MDGA2: variants seen among roughly 807,000 people sequenced by gnomAD.
MDGA2 encodes MAM domain containing glycosylphosphatidylinositol anchor 2.
A neutral mutation model predicts 117.8 loss-of-function variants in MDGA2; 40 were observed. That is an observed-to-expected ratio of 0.34 (90% CI 0.26 to 0.44). The LOEUF (loss-of-function observed/expected upper bound fraction) is 0.44, where lower values mean the gene tolerates loss of function less well. Among genes scored for constraint, MDGA2 ranks in the 20% least tolerant of loss-of-function variants. The pLI, the probability that MDGA2 is intolerant of heterozygous loss-of-function variation, is 1.00. For synonymous variants in MDGA2, 452 were observed against 439.0 expected (o/e 1.03, Z -0.37); for missense variants, 1,123 against 1,250.6 (o/e 0.90, Z 1.54).
intron 10 of MDGA2, among the ~76,000 whole-genome samples, chr14:46,892,183 G>A (rs997655710): frequency 5.9e-5 from 9 of 151,494 alleles, no homozygotes; most frequent in Middle Eastern, 3.4e-3. Context: ...TAGACAAATG[G>A]AACAGAGAGC....
At position 47,006,299 on chromosome 14, in the gene MDGA2, G is replaced by A. The variant is rs1021105032; in HGVS notation, c.1819+28712C>T. 3.3e-5 allele frequency among the ~76,000 whole-genome samples: 5 copies of A among 149,460 alleles called. No homozygotes were observed. In the East Asian group the frequency reaches 9.7e-4, roughly 29 times the overall value. On this transcript the variant is annotated intron_variant, in intron 8 of 16. Transcript: ENST00000399232. ...GAATCTTGTGGTATTAATGTTTACA[G>A]TAGCTAAATTTGAAATAACGTTGTC...
intron 5 of MDGA2, among the ~76,000 whole-genome samples, chr14:47,107,761 C>A (rs1273772065): frequency 1.3e-5 from 2 of 150,930 alleles, no homozygotes; most frequent in Non-Finnish European, 2.9e-5. Flanking sequence ...GAGCCAGGAC[C>A]ACACCCTGTA....
intron 8 of MDGA2, among the ~76,000 whole-genome samples, chr14:46,969,148 A>G (rs1327421743): frequency 6.6e-6 from 1 of 152,072 alleles, no homozygotes; most frequent in Admixed American, 6.5e-5. Context: ...CCAGTCTATC[A>G]TTGTTGGACA....
chr14:47,674,574 C>T lies in MDGA2; in HGVS notation c.223G>A (p.Gly75Ser), dbSNP rs748391283. The change falls in exon 1 of 17, where the codon GGT (glycine) becomes AGT (serine). Residue 75 changes from glycine (G) to serine (S), a missense_variant. Transcript: ENST00000399232. ...AGGACTGTCAGCAGCCACACGAGAC[C>T]GTACAGTAAATCCATCTTCACGTGA... ...HVHVKMDLLY[G>S]LVWLLTVLLE... 3.9e-6 allele frequency: 6 copies of T among 1,551,426 alleles called. No homozygotes were observed. Among genetic ancestry groups the T allele is most frequent in the South Asian group, 3.6e-5 (3 of 83,928 alleles).
At chr14:47,085,891 G>A (rs1348801820) in intron 6 of MDGA2, among the ~76,000 whole-genome samples, 2 of 151,920 alleles carry the variant, frequency 1.3e-5, no homozygotes, top group African/African-American at 4.8e-5. Context: ...CTTCTCCTGA[G>A]TTATTTAAAA....
At chr14:47,343,976 G>A (rs534428927) in intron 1 of MDGA2, among the ~76,000 whole-genome samples, 1 of 152,144 alleles carries the variant, frequency 6.6e-6, no homozygotes, top group Non-Finnish European at 1.5e-5. Flanking sequence ...TTGGAAAAGA[G>A]TGTATACCTC....
At chr14:46,998,111 G>A (rs1465821309) in intron 8 of MDGA2, among the ~76,000 whole-genome samples, 1 of 152,056 alleles carries the variant, frequency 6.6e-6, no homozygotes, top group Non-Finnish European at 1.5e-5. Context: ...CCCTGAAGAA[G>A]AAAAGGGAAA....
intron 2 of MDGA2, among the ~76,000 whole-genome samples, chr14:47,221,931 A>G (rs979197799): frequency 1.3e-5 from 2 of 152,006 alleles, no homozygotes; most frequent in African/African-American, 4.8e-5. Context: ...TGACAATTTC[A>G]TCTCCTCGAA....
At chr14:46,849,703 C>T (rs1452459974) in intron 15 of MDGA2, among the ~76,000 whole-genome samples, 2 of 151,766 alleles carry the variant, frequency 1.3e-5, no homozygotes, top group African/African-American at 4.8e-5. Flanking sequence ...CTTTACACAA[C>T]AAAAAATCTT....
chr14:46,864,715 TGAGAGCATA>T (rs1475290218), intron 14 of MDGA2, among the ~76,000 whole-genome samples: 6 of 151,810 alleles, frequency 4.0e-5, no homozygotes, highest in Non-Finnish European at 7.4e-5. Context: ...AGGACTTCAC[TGAGAGCATA>T]GACTAATTCT....
At chr14:47,376,046 C>A (rs1206844928) in intron 1 of MDGA2, among the ~76,000 whole-genome samples, 1 of 152,080 alleles carries the variant, frequency 6.6e-6, no homozygotes, top group Non-Finnish European at 1.5e-5. Context: ...AAAATTAACT[C>A]CCACTGTATT....
intron 2 of MDGA2, among the ~76,000 whole-genome samples, chr14:47,221,315 A>T (rs1460173075): frequency 6.6e-6 from 1 of 152,328 alleles, no homozygotes; most frequent in Non-Finnish European, 1.5e-5. Context: ...GGTGAAACAG[A>T]TCTTGTTTAT....
At chr14:46,939,202 C>A (rs766374387) in intron 9 of MDGA2, among the ~76,000 whole-genome samples, 5 of 152,030 alleles carry the variant, frequency 3.3e-5, no homozygotes, top group Non-Finnish European at 7.4e-5. Context: ...TTCTATAGCA[C>A]TGTAGGATGA....
intron 1 of MDGA2, among the ~76,000 whole-genome samples, chr14:47,535,242 T>C (rs1895185899): frequency 6.6e-6 from 1 of 152,208 alleles, no homozygotes; most frequent in Non-Finnish European, 1.5e-5. Context: ...TTTTGATGGT[T>C]CTAAGAGCAG....
Position 46,849,929 on chromosome 14 carries a change from G to A in MDGA2, c.2884-4058C>T, listed in dbSNP as rs112551337. The stretch of plus-strand genomic sequence containing the variant: ...CTAACAGCAACTAGGTACCCATGGA[G>A]AAAATGTGAAAGTTTAGGTCTCCTA... On this transcript the variant is annotated intron_variant, in intron 15 of 16. Transcript: ENST00000399232. 6.6e-5 allele frequency among the ~76,000 whole-genome samples: 10 copies of A among 151,932 alleles called. 1 individual carries two copies. The highest frequency in any genetic ancestry group is 2.2e-4 in the African/African-American group (9 of 41,554).
chr14:46,922,431 T>A (rs1227288963), intron 9 of MDGA2, among the ~76,000 whole-genome samples: 3 of 152,174 alleles, frequency 2.0e-5, no homozygotes, highest in Non-Finnish European at 2.9e-5. Context: ...CATTTGCCTG[T>A]CAAACTGGAT....
chr14:47,651,304 A>G (rs1406099926), intron 1 of MDGA2, among the ~76,000 whole-genome samples: 2 of 151,658 alleles, frequency 1.3e-5, no homozygotes, highest in Non-Finnish European at 2.9e-5. Flanking sequence ...TTCTCTGAAG[A>G]GCTCCAATAC....
chr14:47,301,296 CA>C (rs1889273990), intron 2 of MDGA2, 114 bp downstream of exon 2: 27 of 2,474 alleles, frequency 0.011, no homozygotes, highest in South Asian at 0.026. Context: ...CACACCCACC[CA>C]CACACACACA....
chr14:47,174,435 T>C (rs550250434), intron 3 of MDGA2, among the ~76,000 whole-genome samples: 3 of 151,938 alleles, frequency 2.0e-5, no homozygotes, highest in African/African-American at 7.3e-5. Flanking sequence ...GAACAGAAAT[T>C]ATAACAAACT....
Sources: allele counts gnomAD v4.1 joint callset (sites outside exome capture counted in the v4.1 genomes callset), GRCh38; gene constraint gnomAD v4.1.1; transcripts MANE v1.5; gene names NCBI Gene and HGNC (gene_info 2026-07-23, HGNC 2026-07-21).